The following CPVL variants were observed in gnomAD, a reference collection of about 807,000 sequenced individuals.
CPVL encodes the protein carboxypeptidase vitellogenic like, also known as probable serine carboxypeptidase CPVL.
CPVL carries 51 observed loss-of-function variants against 63.7 expected under a neutral mutation model. That is an observed-to-expected ratio of 0.80 (90% CI 0.64 to 1.01). The LOEUF (loss-of-function observed/expected upper bound fraction) is 1.01. Among genes scored for constraint, CPVL ranks in the 50% least tolerant of loss-of-function variants. The pLI is 0.00. For missense variants in CPVL, 530 were observed against 573.1 expected, an observed-to-expected ratio of 0.92 and a Z score of 0.77; for synonymous variants, 195 against 206.0, an observed-to-expected ratio of 0.95 and a Z score of 0.46.
chr7:29,049,434 G>C (rs566227098), intron 11 of CPVL, among the ~76,000 whole-genome samples: 90 of 152,096 alleles, frequency 5.9e-4, no homozygotes, highest in Admixed American at 1.0e-3. Context: ...ATAAAATCCT[G>C]GAAAAATACA....
At chr7:29,146,667 T>C, upstream of CPVL, 1 of 1,550,562 alleles carries the variant, frequency 6.4e-7, no homozygotes, top group South Asian at 1.2e-5. Context: ...AAGTCAGCGC[T>C]TCCCATGCTG....
intron 1 of CPVL, among the ~76,000 whole-genome samples, chr7:29,145,176 T>A (rs1792359815): frequency 6.6e-6 from 1 of 151,962 alleles, no homozygotes; most frequent in Non-Finnish European, 1.5e-5. Context: ...TTGGACAACT[T>A]TCTTAAACGT....
intron 1 of CPVL, among the ~76,000 whole-genome samples, chr7:29,128,714 C>CAA (rs60764606): frequency 0.56 from 74,983 of 133,042 alleles, 21,711 homozygotes; most frequent in East Asian, 0.81. Context: ...GACTCTGTCT[C>CAA]AAAAAAAAAA....
intron 3 of CPVL, among the ~76,000 whole-genome samples, chr7:29,109,222 A>G (rs1788016650): frequency 6.6e-6 from 1 of 152,176 alleles, no homozygotes; most frequent in Admixed American, 6.5e-5. Context: ...CTGCACACCA[A>G]TTTCAAGTTC....
intron 1 of CPVL, among the ~76,000 whole-genome samples, chr7:29,140,728 T>G (rs912599469): frequency 3.3e-5 from 5 of 151,978 alleles, no homozygotes; most frequent in African/African-American, 1.2e-4. Context: ...ACACATTCTA[T>G]CGCACCCTCT....
chr7:29,002,941 G>C (rs1487517344), intron 12 of CPVL, among the ~76,000 whole-genome samples: 1 of 151,102 alleles, frequency 6.6e-6, no homozygotes, highest in African/African-American at 2.4e-5. Context: ...GGAATTTTAG[G>C]ATAAAATGAT....
At chr7:29,131,597 C>T (rs1471299429) in intron 1 of CPVL, among the ~76,000 whole-genome samples, 3 of 152,146 alleles carry the variant, frequency 2.0e-5, no homozygotes, top group Non-Finnish European at 4.4e-5. Flanking sequence ...CAGCAACTTC[C>T]GCCTCCTGAG....
chr7:29,029,198 T>C (rs993157154), intron 12 of CPVL, among the ~76,000 whole-genome samples: 4 of 152,104 alleles, frequency 2.6e-5, no homozygotes, highest in Non-Finnish European at 5.9e-5. Context: ...CATACACTAT[T>C]GGTAGGAATG....
At chr7:29,165,753 A>T (rs929335539) in intron 5 of CPVL, among the ~76,000 whole-genome samples, 1 of 152,104 alleles carries the variant, frequency 6.6e-6, no homozygotes, top group Middle Eastern at 3.2e-3. Flanking sequence ...TCATGAATAG[A>T]TGTTGAATTT....
chr7:29,058,822 T>A (rs1667732858), intron 11 of CPVL, among the ~76,000 whole-genome samples: 1 of 152,080 alleles, frequency 6.6e-6, no homozygotes, highest in African/African-American at 2.4e-5. Flanking sequence ...TTTTGAGACT[T>A]TTTTTCTTTA....
intron 5 of CPVL, among the ~76,000 whole-genome samples, chr7:29,172,548 A>G (rs1796740396): frequency 6.6e-6 from 1 of 152,254 alleles, no homozygotes; most frequent in African/African-American, 2.4e-5. Flanking sequence ...CAGTTGGGAA[A>G]TGAATTTTAA....
intron 1 of CPVL, among the ~76,000 whole-genome samples, chr7:29,186,750 G>A (rs1258772258): frequency 6.6e-6 from 1 of 151,916 alleles, no homozygotes; most frequent in East Asian, 1.9e-4. Flanking sequence ...CATAACAGCA[G>A]GCTGAAATTT....
intron 12 of CPVL, among the ~76,000 whole-genome samples, chr7:29,022,606 T>G (rs949440652): frequency 2.0e-5 from 3 of 152,196 alleles, no homozygotes; most frequent in Non-Finnish European, 4.4e-5. Context: ...CATGCATACA[T>G]GCCTTCTATG....
upstream of CPVL, chr7:29,146,585 T>A (rs1209475137): frequency 1.9e-6 from 3 of 1,549,602 alleles, no homozygotes; most frequent in Admixed American, 3.9e-5. Context: ...TAGGCTCACA[T>A]GACCCAGACC....
intron 5 of CPVL, among the ~76,000 whole-genome samples, chr7:29,169,938 G>A (rs373953752): frequency 3.3e-5 from 5 of 151,708 alleles, no homozygotes; most frequent in Non-Finnish European, 7.4e-5. Context: ...GTGCAGTGGC[G>A]CCATCATAGC....
At chr7:29,108,253 G>T (rs1005315082) in intron 3 of CPVL, among the ~76,000 whole-genome samples, 17 of 152,314 alleles carry the variant, frequency 1.1e-4, no homozygotes, top group African/African-American at 4.1e-4. Flanking sequence ...CCAGGTTTTG[G>T]CTCCATGGCA....
At chr7:29,189,452 A>G (rs893004915) in intron 1 of CPVL, among the ~76,000 whole-genome samples, 1 of 152,138 alleles carries the variant, frequency 6.6e-6, no homozygotes, top group Non-Finnish European at 1.5e-5. Flanking sequence ...AGAAGACACG[A>G]AAAACAAACT....
chr7:29,073,516 C>T (rs1031781866), intron 7 of CPVL, among the ~76,000 whole-genome samples: 1 of 152,180 alleles, frequency 6.6e-6, no homozygotes, highest in African/African-American at 2.4e-5. Flanking sequence ...GCCACCCTCT[C>T]GCTCATTCCT....
At chr7:29,167,621 C>T (rs1452859072) in intron 5 of CPVL, among the ~76,000 whole-genome samples, 1 of 152,174 alleles carries the variant, frequency 6.6e-6, no homozygotes, top group African/African-American at 2.4e-5. Flanking sequence ...CCAATTTACT[C>T]TTCAGTCAAA....
Sources: allele counts gnomAD v4.1 joint callset (sites outside exome capture counted in the v4.1 genomes callset), GRCh38; gene constraint gnomAD v4.1.1; transcripts MANE v1.5; gene names NCBI Gene and HGNC (gene_info 2026-07-23, HGNC 2026-07-21).